The following HDGFL3 variants were observed in gnomAD, a reference collection of about 807,000 sequenced individuals.
HDGFL3 encodes the protein HDGF like 3.
A neutral mutation model predicts 27.6 loss-of-function variants in HDGFL3; 6 were observed. The observed-to-expected ratio is 0.22, with a 90% confidence interval of 0.12 to 0.43. The LOEUF is 0.43. Ranked by LOEUF, HDGFL3 falls within the 20% of genes least tolerant of loss-of-function variation. The probability of loss-of-function intolerance (pLI) is 1.00; values close to 1 mark genes in which losing one functional copy is unlikely to be tolerated. For missense variants in HDGFL3, 207 were observed against 250.1 expected (o/e 0.83, Z 1.16); for synonymous variants, 88 against 88.9 (o/e 0.99, Z 0.05).
rs1278857281 is a variant in HDGFL3 at position 83,174,568 on chromosome 15, T to C, written c.85-10493A>G. 2.6e-5 allele frequency among the ~76,000 whole-genome samples: 4 copies of C among 152,084 alleles called. No homozygotes were observed. The South Asian group carries it at 8.3e-4, about 32-fold the overall frequency. On this transcript the variant is annotated intron_variant, in intron 1 of 5. Coordinates refer to ENST00000299633, the MANE Select transcript of HDGFL3 (RefSeq NM_016073.4). ...AGTAAAAAACACGACATAAAATGTA[T>C]CAACTTAACCATTTTTAAATGTATA...
intron 5 of HDGFL3, among the ~76,000 whole-genome samples, chr15:83,139,772 CAA>C (rs1334216054): frequency 6.6e-6 from 1 of 152,138 alleles, no homozygotes; most frequent in African/African-American, 2.4e-5. Context: ...TCATGATGTA[CAA>C]AGTCTCTGAC....
chr15:83,156,034 G>C (rs1480309028), intron 4 of HDGFL3, among the ~76,000 whole-genome samples: 1 of 152,128 alleles, frequency 6.6e-6, no homozygotes, highest in Non-Finnish European at 1.5e-5. Flanking sequence ...AGTATTGTTA[G>C]ATTTGGAATA....
rs192909933 is a variant in HDGFL3, at chr15:83,141,609, G to C, written c.607-2334C>G. 2.7e-3 allele frequency among the ~76,000 whole-genome samples: 406 copies of C among 152,114 alleles called. 4 individuals are homozygous for C. Among genetic ancestry groups the C allele is most frequent in the African/African-American group, 9.3e-3 (386 of 41,506 alleles). On this transcript the variant is annotated intron_variant, in intron 5 of 5. Transcript: ENST00000299633. Reference sequence around the variant, plus strand: ...TTTAAAGACTTTTTTTTTAGAGACAGGGTCTTGCTCTTGTGCCCATGCTAA... The same window carrying C: ...TTTAAAGACTTTTTTTTTAGAGACACGGTCTTGCTCTTGTGCCCATGCTAA...
chr15:83,124,284 G>T (rs1382795056), downstream of HDGFL3, among the ~76,000 whole-genome samples: 1 of 152,038 alleles, frequency 6.6e-6, no homozygotes, highest in African/African-American at 2.4e-5. Context: ...ATATGTGTGT[G>T]TATATATGTA....
downstream of HDGFL3, among the ~76,000 whole-genome samples, chr15:83,127,027 C>T (rs550318128): frequency 6.6e-6 from 1 of 152,142 alleles, no homozygotes; most frequent in Admixed American, 6.5e-5. Context: ...CCCATCTCTA[C>T]TGAAAAAATA....
chr15:83,126,868 A>C (rs1225834222), downstream of HDGFL3: 2 of 1,573,380 alleles, frequency 1.3e-6, no homozygotes, highest in East Asian at 2.2e-5. Context: ...TATGAAGCCT[A>C]AGATTTTTCT....
chr15:83,190,207 CAAAAA>C (rs57723810), intron 1 of HDGFL3, among the ~76,000 whole-genome samples: 1 of 116,566 alleles, frequency 8.6e-6, no homozygotes, highest in Non-Finnish European at 1.8e-5. Context: ...AACTCTGTCT[CAAAAA>C]AAAAAAAAAA....
chr15:83,190,938 T>C (rs1448059155), intron 1 of HDGFL3, among the ~76,000 whole-genome samples: 1 of 152,206 alleles, frequency 6.6e-6, no homozygotes, highest in Admixed American at 6.5e-5. Flanking sequence ...GAATTAAGGA[T>C]CTAATTTCAT....
At chr15:83,122,333 C>A (rs1395829832) in intron 3 of HDGFL3, among the ~76,000 whole-genome samples, 2 of 151,420 alleles carry the variant, frequency 1.3e-5, no homozygotes, top group African/African-American at 4.9e-5. Flanking sequence ...ATGAGAACTC[C>A]AAAAATGTAC....
At chr15:83,126,853 G>A (rs2035797002), downstream of HDGFL3, 1 of 1,603,354 alleles carries the variant, frequency 6.2e-7, no homozygotes, top group Non-Finnish European at 8.5e-7. Context: ...TTCAGGTCAA[G>A]TAGTTATGAA....
chr15:83,127,455 T>C (rs1363920134), downstream of HDGFL3: 2 of 1,613,794 alleles, frequency 1.2e-6, no homozygotes, highest in Non-Finnish European at 1.7e-6. Flanking sequence ...ATCACATTGA[T>C]ACATGCTGGA....
chr15:83,169,016 A>T (rs2151408685), intron 1 of HDGFL3, among the ~76,000 whole-genome samples: 1 of 152,336 alleles, frequency 6.6e-6, no homozygotes, highest in Admixed American at 6.5e-5. Context: ...AGAATTAAAA[A>T]CAAAAGCCAC....
At chr15:83,144,196 T>C (rs965219439) in intron 5 of HDGFL3, among the ~76,000 whole-genome samples, 1 of 152,148 alleles carries the variant, frequency 6.6e-6, no homozygotes, top group African/African-American at 2.4e-5. Flanking sequence ...GTGGTAACCT[T>C]GTGATTTAGC....
At chr15:83,116,967 C>T (rs2034723308) in intron 3 of HDGFL3, among the ~76,000 whole-genome samples, 1 of 152,118 alleles carries the variant, frequency 6.6e-6, no homozygotes, top group South Asian at 2.1e-4. Flanking sequence ...AGACCTGCTC[C>T]CTGCCCCCTG....
intron 1 of HDGFL3, among the ~76,000 whole-genome samples, chr15:83,182,293 T>G (rs967596796): frequency 7.9e-5 from 12 of 152,230 alleles, no homozygotes; most frequent in Non-Finnish European, 1.3e-4. Flanking sequence ...TGTGGATATC[T>G]TTTAACAAAC....
At chr15:83,176,807 A>C (rs1270284228) in intron 1 of HDGFL3, among the ~76,000 whole-genome samples, 1 of 152,030 alleles carries the variant, frequency 6.6e-6, no homozygotes, top group Non-Finnish European at 1.5e-5. Flanking sequence ...GGATTTTTGC[A>C]CTGAGATTGC....
exon 4 of HDGFL3, chr15:83,115,204 GCCTCC>G: frequency 6.5e-6 from 1 of 154,366 alleles, no homozygotes; most frequent in Non-Finnish European, 1.4e-5. Flanking sequence ...TGCAACCTCC[GCCTCC>G]TGGGTTCAAG....
At chr15:83,162,095 C>T (rs1161719421) in intron 2 of HDGFL3, among the ~76,000 whole-genome samples, 1 of 152,164 alleles carries the variant, frequency 6.6e-6, no homozygotes, top group Admixed American at 6.5e-5. Context: ...TTTTCACATA[C>T]CTCCCCTGCA....
At chr15:83,124,734 G>C, downstream of HDGFL3, 1 of 1,614,132 alleles carries the variant, frequency 6.2e-7, no homozygotes, top group Non-Finnish European at 8.5e-7. Flanking sequence ...TGTTGGTTGT[G>C]TGTCTCCTCC....
Sources: gnomAD v4.1 joint callset for allele counts (sites outside exome capture counted in the v4.1 genomes callset) on GRCh38, gnomAD v4.1.1 for gene constraint, MANE v1.5 for transcripts, NCBI Gene and HGNC (gene_info 2026-07-23, HGNC 2026-07-21) for gene names.